NKX2-2: variants seen among roughly 807,000 people sequenced by gnomAD.
The protein encoded by NKX2-2 is homeobox protein Nkx-2.2.
NKX2-2 carries 8 observed loss-of-function variants against 24.6 expected under a neutral mutation model. That is an observed-to-expected ratio of 0.32 (90% CI 0.19 to 0.59). NKX2-2 has a LOEUF of 0.59. Among genes scored for constraint, NKX2-2 ranks in the 20% least tolerant of loss-of-function variants. The pLI, the probability that NKX2-2 is intolerant of heterozygous loss-of-function variation, is 0.86. For missense variants in NKX2-2, 381 were observed against 373.9 expected (o/e 1.02, Z -0.16); for synonymous variants, 217 against 173.3 (o/e 1.25, Z -1.98).
chr20:21,518,906 C>A (rs1980704749), upstream of NKX2-2, among the ~76,000 whole-genome samples: 1 of 152,210 alleles, frequency 6.6e-6, no homozygotes, highest in Non-Finnish European at 1.5e-5. Flanking sequence ...GTTCTGGGCA[C>A]CTCTTTGGAG....
At position 21,511,566 on chromosome 20, in the gene NKX2-2, G is replaced by A. The variant is rs1980429355; in HGVS notation, c.*357C>T. Reference sequence around the variant, plus strand: ...CAAAATGCACGAAAGCAGGGGTGGGGGGTCGGTCTTTTTCTCGTTTTCAAG... The same window carrying A: ...CAAAATGCACGAAAGCAGGGGTGGGAGGTCGGTCTTTTTCTCGTTTTCAAG... On this transcript the variant is annotated 3_prime_UTR_variant, in exon 2 of 2. Transcript: ENST00000377142. The A allele has an allele frequency of 1.4e-5, 3 of 209,578 alleles. No individual in the cohort carries two copies. The highest frequency in any genetic ancestry group is 6.9e-5 in the African/African-American group (3 of 43,708). 13.0% of individuals were successfully genotyped at this position (209,578 alleles called of 1,614,324 possible).
At position 21,511,721 on chromosome 20, in the gene NKX2-2, G is replaced by C; in HGVS notation, c.*202C>G. 4.2e-6 allele frequency: 2 copies of C among 476,326 alleles called. No homozygotes were observed. The highest frequency in any genetic ancestry group is 9.3e-5 in the South Asian group (2 of 21,462). 29.5% of individuals were successfully genotyped at this position (476,326 alleles called of 1,614,324 possible). On this transcript the variant is annotated 3_prime_UTR_variant, in exon 2 of 2. Transcript: ENST00000377142. Reference sequence around the variant, plus strand: ...AGGTTCAGAAGGAGAGGCATGGGCAGAGCTGGGTGGGTGGAATCTGCCACT... The same window carrying C: ...AGGTTCAGAAGGAGAGGCATGGGCACAGCTGGGTGGGTGGAATCTGCCACT...
chr20:21,514,517 G>T (rs1023842991), upstream of NKX2-2, among the ~76,000 whole-genome samples: 1 of 152,080 alleles, frequency 6.6e-6, no homozygotes, highest in Non-Finnish European at 1.5e-5. Context: ...GGGTGGGGAG[G>T]AGGAGGGGAG....
chr20:21,517,463 G>A (rs777213737), upstream of NKX2-2, among the ~76,000 whole-genome samples: 6 of 152,178 alleles, frequency 3.9e-5, no homozygotes, highest in African/African-American at 9.7e-5. Context: ...CTTCTCGTCC[G>A]TGTGGTTCCC....
In NKX2-2 at chr20:21,513,849, G is replaced by A. The variant is rs999275633; in HGVS notation, c.-180C>T. On this transcript the variant is annotated 5_prime_UTR_variant, in exon 1 of 2. Transcript: ENST00000377142. This position sits in a 1 kb window ranked among gnomAD's most constrained non-coding sequence, Gnocchi z 4.6. ...ATTTTTAAAAAGAGAAAGAAACTGG[G>A]GATGGGGAGGAAAAAAATGAAGCCC... 1 of 484,178 alleles carries A rather than the reference G, an allele frequency of 2.1e-6. No homozygotes were observed. Among genetic ancestry groups the A allele is most frequent in the Non-Finnish European group, 3.5e-6 (1 of 285,360 alleles). The allele number at this position is 484,178 out of a possible 1,614,324, so 30.0% of individuals were successfully genotyped here.
intron 1 of NKX2-2, 124 bp from the exon 2 acceptor site, chr20:21,512,609 G>T: frequency 1.4e-6 from 1 of 730,588 alleles, no homozygotes; most frequent in Non-Finnish European, 2.2e-6. Context: ...GCCCAGCCCC[G>T]CTGCCTTTGC....
upstream of NKX2-2, among the ~76,000 whole-genome samples, chr20:21,514,193 C>A (rs544475531): frequency 2.7e-5 from 4 of 150,402 alleles, no homozygotes; most frequent in Admixed American, 2.0e-4. Flanking sequence ...AGAGAGGGAG[C>A]GGGAGAAGGG....
chr20:21,517,701 G>A (rs925904160), upstream of NKX2-2, among the ~76,000 whole-genome samples: 1 of 152,210 alleles, frequency 6.6e-6, no homozygotes, highest in African/African-American at 2.4e-5. Flanking sequence ...TCTTGGGCCC[G>A]GCTTGCGCCC....
At chr20:21,518,699 T>C (rs1051511616), upstream of NKX2-2, among the ~76,000 whole-genome samples, 1 of 152,246 alleles carries the variant, frequency 6.6e-6, no homozygotes, top group African/African-American at 2.4e-5. Flanking sequence ...CACCCTGCTT[T>C]CCCGGCTTCT....
chr20:21,511,241 G>C lies in NKX2-2; in HGVS notation c.*682C>G, dbSNP rs1980413725. 1.5e-5 allele frequency: 1 copy of C among 67,412 alleles called. No homozygotes were observed. Among genetic ancestry groups the C allele is most frequent in the Non-Finnish European group, 3.0e-5 (1 of 33,566 alleles). 4.2% of individuals were successfully genotyped at this position (67,412 alleles called of 1,614,324 possible). ...ATAAAAAGAGAAAGGAAGAAAGCAG[G>C]GGAAAACGCAAAAACAAAAACAAAA... On this transcript the variant is annotated 3_prime_UTR_variant, in exon 2 of 2. Coordinates refer to ENST00000377142, the MANE Select transcript of NKX2-2 (RefSeq NM_002509.4).
chr20:21,514,132 G>A (rs1430038339), upstream of NKX2-2: 1 of 152,688 alleles, frequency 6.5e-6, no homozygotes, highest in East Asian at 1.9e-4. Context: ...GGCGGGGAGA[G>A]GGGGAGAAAG....
At chr20:21,521,844 C>T in the NKX2-2 span, among the ~76,000 whole-genome samples, 1 of 152,198 alleles carries the variant, frequency 6.6e-6, no homozygotes, top group South Asian at 2.1e-4. Flanking sequence ...GCGACAGCCC[C>T]GCCGCATTTC....
the NKX2-2 span, among the ~76,000 whole-genome samples, chr20:21,522,486 C>T: frequency 6.6e-6 from 1 of 152,086 alleles, no homozygotes; most frequent in Non-Finnish European, 1.5e-5. Flanking sequence ...GGCTCCGCTG[C>T]GGCTCCCGGG....
In NKX2-2 at chr20:21,511,667, A is replaced by G; in HGVS notation, c.*256T>C. 2.8e-6 allele frequency: 1 copy of G among 362,572 alleles called. No homozygotes were observed. The highest frequency in any genetic ancestry group is 4.9e-6 in the Non-Finnish European group (1 of 204,744). 22.5% of individuals were successfully genotyped at this position (362,572 alleles called of 1,614,324 possible). The stretch of plus-strand genomic sequence containing the variant: ...AGCGAAGCTGCGCAAACATTCTGTA[A>G]ACACGGCGTAGAGTTCAGCCCTCTC... On this transcript the variant is annotated 3_prime_UTR_variant, in exon 2 of 2. Transcript: ENST00000377142.
chr20:21,521,076 C>T, the NKX2-2 span, among the ~76,000 whole-genome samples: 2 of 151,966 alleles, frequency 1.3e-5, no homozygotes, highest in South Asian at 2.1e-4. Flanking sequence ...AAGGCACGCT[C>T]TTAGCTGGAG....
At chr20:21,517,268 A>G (rs1346734999), upstream of NKX2-2, among the ~76,000 whole-genome samples, 2 of 151,888 alleles carry the variant, frequency 1.3e-5, no homozygotes, top group Non-Finnish European at 2.9e-5. Context: ...CGCCTCCTGG[A>G]CTCCGGCCCC....
upstream of NKX2-2, among the ~76,000 whole-genome samples, chr20:21,516,287 T>C (rs918643221): frequency 1.3e-5 from 2 of 152,048 alleles, no homozygotes; most frequent in Non-Finnish European, 2.9e-5. Context: ...TTTCTCCTCC[T>C]ACTTTTTCTT....
rs1370136309 is a variant in NKX2-2, at chr20:21,511,469, G to A, written c.*454C>T. On this transcript the variant is annotated 3_prime_UTR_variant, in exon 2 of 2. Transcript: ENST00000377142. ...TTTTAAAAAAAGGAAGAAATTCTCT[G>A]TATTTTTAAAGTGTTCTCCACTTGC... 1 of 154,318 alleles carries A rather than the reference G, an allele frequency of 6.5e-6. No homozygotes were observed. The highest frequency in any genetic ancestry group is 6.5e-5 in the Admixed American group (1 of 15,334). 9.6% of individuals were successfully genotyped at this position (154,318 alleles called of 1,614,324 possible). A position where few individuals can be genotyped will look rare whatever the true frequency, so the allele number is the denominator to read the frequency against.
Position 21,513,529 on chromosome 20 carries a change from C to T in NKX2-2, c.141G>A (p.Pro47=). 1 of 1,613,138 alleles carries T rather than the reference C, an allele frequency of 6.2e-7. No individual in the cohort carries two copies. Among genetic ancestry groups the T allele is most frequent in the East Asian group, 2.2e-5 (1 of 44,808 alleles). The stretch of plus-strand genomic sequence containing the variant: ...CCGCGTCCAGGGCGCCCTGCCCCAG[C>T]GGCCCGGCCCTCTTGGCTGGCTCGG... ...EGPEPAKRAG[P]LGQGALDAVQ... is the part of the protein sequence containing the mutation. The change falls in exon 1 of 2, where the codon CCG becomes CCA. Residue 47 remains proline (P), a synonymous_variant. Coordinates refer to ENST00000377142, the MANE Select transcript of NKX2-2 (RefSeq NM_002509.4). This position sits in a 1 kb window ranked among gnomAD's most constrained non-coding sequence, Gnocchi z 4.6.
Sources: gnomAD v4.1 joint callset for allele counts (sites outside exome capture counted in the v4.1 genomes callset) on GRCh38, gnomAD v4.1.1 for gene constraint, Gnocchi (gnomAD v3.1) non-coding constraint, MANE v1.5 for transcripts, NCBI Gene and HGNC (gene_info 2026-07-23, HGNC 2026-07-21) for gene names.